Variants in PDE4B observed in about 807,000 individuals in gnomAD.
PDE4B encodes 3',5'-cyclic-AMP phosphodiesterase 4B.
PDE4B carries 20 observed loss-of-function variants against 82.2 expected under a neutral mutation model. The ratio of observed to expected loss-of-function variants is 0.24; its 90% CI spans 0.17 to 0.35. The LOEUF is 0.35. Among genes scored for constraint, PDE4B ranks in the 10% least tolerant of loss-of-function variants. The pLI is 1.00. For missense variants in PDE4B, 655 were observed against 907.2 expected (o/e 0.72, Z 3.57); for synonymous variants, 320 against 318.9 (o/e 1.00, Z -0.04).
At chr1:66,097,531 A>T (rs988761111) in intron 3 of PDE4B, among the ~76,000 whole-genome samples, 2 of 151,966 alleles carry the variant, frequency 1.3e-5, no homozygotes, top group Non-Finnish European at 2.9e-5. Flanking sequence ...TACATCTTCA[A>T]ATTTACTTTT....
intron 1 of PDE4B, among the ~76,000 whole-genome samples, chr1:65,850,738 A>G (rs1646322571): frequency 6.6e-6 from 1 of 152,290 alleles, no homozygotes. Flanking sequence ...ATATGTTACA[A>G]AAGTTTTCCC....
At chr1:66,021,002 G>A (rs1653073192) in intron 3 of PDE4B, among the ~76,000 whole-genome samples, 1 of 152,112 alleles carries the variant, frequency 6.6e-6, no homozygotes, top group Non-Finnish European at 1.5e-5. Flanking sequence ...TTTAATGATT[G>A]CCATTCTAAC....
intron 3 of PDE4B, among the ~76,000 whole-genome samples, chr1:66,133,169 G>T (rs369505301): frequency 6.6e-6 from 1 of 152,126 alleles, no homozygotes; most frequent in Admixed American, 6.5e-5. Flanking sequence ...AAGCAGGAAG[G>T]TTGCCTCTGT....
At chr1:66,142,862 C>A (rs917710655) in intron 3 of PDE4B, among the ~76,000 whole-genome samples, 23 of 152,160 alleles carry the variant, frequency 1.5e-4, no homozygotes, top group African/African-American at 4.8e-4. Flanking sequence ...TTGAAGGTTT[C>A]CTTCAATACT....
chr1:66,066,529 G>A (rs958880672), intron 3 of PDE4B, among the ~76,000 whole-genome samples: 4 of 151,904 alleles, frequency 2.6e-5, no homozygotes, highest in African/African-American at 9.7e-5. Flanking sequence ...CTATTGAAAT[G>A]TTAATGCACA....
intron 3 of PDE4B, among the ~76,000 whole-genome samples, chr1:66,164,208 A>G (rs1387972900): frequency 6.6e-6 from 1 of 152,068 alleles, no homozygotes; most frequent in African/African-American, 2.4e-5. Flanking sequence ...CCAACCCAAG[A>G]AATTACTACT....
chr1:66,181,976 T>G (rs2101408083), intron 3 of PDE4B, among the ~76,000 whole-genome samples: 1 of 152,182 alleles, frequency 6.6e-6, no homozygotes, highest in South Asian at 2.1e-4. Context: ...AATAATTATA[T>G]TAAATGCTAT....
intron 7 of PDE4B, among the ~76,000 whole-genome samples, chr1:66,321,898 C>T (rs759987033): frequency 4.9e-5 from 7 of 143,696 alleles, no homozygotes; most frequent in East Asian, 3.8e-4. Flanking sequence ...AAGCTGGAGG[C>T]GTTATGCTAC....
At chr1:66,187,754 A>G (rs1339520150) in intron 3 of PDE4B, among the ~76,000 whole-genome samples, 1 of 151,730 alleles carries the variant, frequency 6.6e-6, no homozygotes, top group African/African-American at 2.4e-5. Flanking sequence ...CTAGCGGTCT[A>G]TCAATTTTGT....
In PDE4B at chr1:66,247,523, C is replaced by G. The variant is rs143755153; in HGVS notation, c.345C>G (p.Ser115=). 6.2e-7 allele frequency: 1 copy of G among 1,611,800 alleles called. No individual in the cohort carries two copies. The highest frequency in any genetic ancestry group is 8.5e-7 in the Non-Finnish European group (1 of 1,178,734). Residue 115 remains serine (S), a synonymous_variant, in exon 4 of 17, where the codon TCC becomes TCG. Transcript: ENST00000341517. The part of the protein sequence containing the change: ...RSPLDPQASS[S]AGLVLHATFP... The stretch of plus-strand genomic sequence containing the variant: ...CACTGGATCCCCAGGCCAGCTCTTC[C>G]GCTGGGCTGGTACTTCACGCCACCT...
At chr1:65,819,499 G>GTTT (rs11438074) in intron 1 of PDE4B, among the ~76,000 whole-genome samples, 125 of 145,398 alleles carry the variant, frequency 8.6e-4, no homozygotes, top group African/African-American at 3.1e-3. Flanking sequence ...GTTTGTTTTT[G>GTTT]TTTTGTTTTT....
At chr1:65,856,474 C>T (rs576759626) in intron 1 of PDE4B, among the ~76,000 whole-genome samples, 113 of 152,182 alleles carry the variant, frequency 7.4e-4, no homozygotes, top group African/African-American at 2.6e-3. Flanking sequence ...GAATGATGGC[C>T]TCCAGCTTCA....
At chr1:66,195,451 A>T (rs529685089) in intron 3 of PDE4B, among the ~76,000 whole-genome samples, 1 of 152,170 alleles carries the variant, frequency 6.6e-6, no homozygotes, top group Non-Finnish European at 1.5e-5. Context: ...AGAGGAATAC[A>T]CGGACTTAAA....
At chr1:66,127,193 A>G (rs1192065519) in intron 3 of PDE4B, among the ~76,000 whole-genome samples, 3 of 152,158 alleles carry the variant, frequency 2.0e-5, no homozygotes, top group African/African-American at 7.2e-5. Flanking sequence ...TACTATGAAT[A>G]TGTTCTAGGA....
At chr1:66,107,713 C>G (rs1250734438) in intron 3 of PDE4B, among the ~76,000 whole-genome samples, 1 of 151,914 alleles carries the variant, frequency 6.6e-6, no homozygotes, top group Non-Finnish European at 1.5e-5. Context: ...CTAAACCTTT[C>G]ATGAGATAGA....
intron 1 of PDE4B, among the ~76,000 whole-genome samples, chr1:65,868,082 T>C (rs529270514): frequency 6.6e-6 from 1 of 152,354 alleles, no homozygotes; most frequent in Non-Finnish European, 1.5e-5. Context: ...TCTCAGTCTC[T>C]TTGCTCTCAT....
At chr1:66,156,819 T>G (rs1646510810) in intron 3 of PDE4B, among the ~76,000 whole-genome samples, 1 of 152,190 alleles carries the variant, frequency 6.6e-6, no homozygotes, top group African/African-American at 2.4e-5. Flanking sequence ...TCACTTGGCT[T>G]CAGACACAGT....
chr1:66,126,530 A>G (rs1045228603), intron 3 of PDE4B, among the ~76,000 whole-genome samples: 1 of 152,210 alleles, frequency 6.6e-6, no homozygotes, highest in African/African-American at 2.4e-5. Flanking sequence ...AAAACCTAGA[A>G]CAAAAAGTAA....
In PDE4B at chr1:66,136,558, A is replaced by G. The variant is rs1355959261; in HGVS notation, c.282-110902A>G. 2.0e-5 allele frequency among the ~76,000 whole-genome samples: 3 copies of G among 152,008 alleles called. No homozygotes were observed. In the East Asian group the frequency reaches 5.8e-4, roughly 29 times the overall value. On this transcript the variant is annotated intron_variant, in intron 3 of 16. Coordinates refer to ENST00000341517, the MANE Select transcript of PDE4B (RefSeq NM_002600.4). ...AACCCCATCTCTACTAAAAATACAA[A>G]AATTAGATGGGCGTGGTGGCAGGTG...
Sources: gnomAD v4.1 joint callset for allele counts (sites outside exome capture counted in the v4.1 genomes callset) on GRCh38, gnomAD v4.1.1 for gene constraint, MANE v1.5 for transcripts, NCBI Gene and HGNC (gene_info 2026-07-23, HGNC 2026-07-21) for gene names.